Variants in USP14 observed in about 807,000 individuals in gnomAD.
USP14 encodes the protein ubiquitin carboxyl-terminal hydrolase 14.
Under a neutral mutation model 76.5 loss-of-function variants are expected in USP14, and 38 were observed. That is an observed-to-expected ratio of 0.50 (90% CI 0.38 to 0.65). The LOEUF is 0.65. Ranked by LOEUF, USP14 falls within the 30% of genes least tolerant of loss-of-function variation. The pLI, the probability that USP14 is intolerant of heterozygous loss-of-function variation, is 0.00. For synonymous variants in USP14, 192 were observed against 191.7 expected, an observed-to-expected ratio of 1.00 and a Z score of -0.01; for missense variants, 467 against 586.5, an observed-to-expected ratio of 0.80 and a Z score of 2.10.
At chr18:171,951 T>C (rs1002756811) in intron 3 of USP14, among the ~76,000 whole-genome samples, 7 of 152,088 alleles carry the variant, frequency 4.6e-5, no homozygotes, top group African/African-American at 1.4e-4. Context: ...GAAACTAGAA[T>C]TAGAAGTGGC....
intron 1 of USP14, 39 bp from the exon 2 acceptor site, chr18:163,269 G>C (rs1909174155): frequency 6.5e-7 from 1 of 1,541,844 alleles, no homozygotes; most frequent in Non-Finnish European, 8.8e-7. Flanking sequence ...ATCTTGTCTT[G>C]TTATTTTTTA....
At chr18:207,788 T>C (rs1001224249) in intron 13 of USP14, among the ~76,000 whole-genome samples, 1 of 152,244 alleles carries the variant, frequency 6.6e-6, no homozygotes, top group African/African-American at 2.4e-5. Flanking sequence ...TGTACAAGCC[T>C]TGGACATTTT....
chr18:198,120 A>G lies in USP14; in HGVS notation c.749A>G (p.Glu250Gly). The change falls in exon 9 of 16, where the codon GAG (glutamate) becomes GGG (glycine). Residue 250 changes from glutamate to glycine, a missense_variant. Transcript: ENST00000261601. Reference protein sequence around the residue: ...KSLIDQFFGVEFETTMKCTES... With the variant: ...KSLIDQFFGVGFETTMKCTES... The stretch of plus-strand genomic sequence containing the variant: ...TTAATCGATCAGTTCTTCGGTGTTG[A>G]GTTTGAAACTACGTATCCTTATGAG... 1 of 1,606,732 alleles carries G rather than the reference A, an allele frequency of 6.2e-7. No homozygotes were observed. Among genetic ancestry groups the G allele is most frequent in the Non-Finnish European group, 8.5e-7 (1 of 1,175,336 alleles).
At chr18:176,468 C>T (rs1909631212) in intron 3 of USP14, among the ~76,000 whole-genome samples, 1 of 152,030 alleles carries the variant, frequency 6.6e-6, no homozygotes, top group Admixed American at 6.6e-5. Flanking sequence ...TTAATTTTTA[C>T]TTTTTCTAGC....
In USP14 at chr18:197,646, C is replaced by A; in HGVS notation, c.625C>A (p.Arg209=). ...DANECWIQMM[R]VLQQKLEAIE... ...TAATGAATGTTGGATACAAATGATG[C>A]GAGTATTGCAACAGAAATTGGAAGC... Residue 209 remains arginine, a synonymous_variant, in exon 8 of 16, where the codon CGA becomes AGA. Transcript: ENST00000261601. 1 of 1,610,596 alleles carries A rather than the reference C, an allele frequency of 6.2e-7. No individual in the cohort carries two copies. The highest frequency in any genetic ancestry group is 8.5e-7 in the Non-Finnish European group (1 of 1,178,118).
In USP14 at chr18:213,015, T is replaced by C. The variant is rs1295822033; in HGVS notation, c.*1731T>C. ...CATTGCAGGGAAACTTATTTGTAAATAGCTTCCTCACCTAAACTTTGACTT... is the reference window on the plus strand; with the variant it reads ...CATTGCAGGGAAACTTATTTGTAAACAGCTTCCTCACCTAAACTTTGACTT... On this transcript the variant is annotated 3_prime_UTR_variant, in exon 16 of 16. Coordinates refer to ENST00000261601, the MANE Select transcript of USP14 (RefSeq NM_005151.4). 6.6e-6 allele frequency: 1 copy of C among 152,206 alleles called. No homozygotes were observed. The highest frequency in any genetic ancestry group is 6.5e-5 in the Admixed American group (1 of 15,270). 9.4% of individuals were successfully genotyped at this position (152,206 alleles called of 1,614,324 possible). A position where few individuals can be genotyped will look rare whatever the true frequency, so the allele number is the denominator to read the frequency against.
intron 3 of USP14, among the ~76,000 whole-genome samples, chr18:167,873 A>T (rs1042915598): frequency 1.3e-5 from 2 of 151,724 alleles, no homozygotes. Context: ...GCTTAAAATA[A>T]TATTAAAAAA....
rs772127850 is a variant in USP14 at position 163,381 on chromosome 18, G to A, written c.90G>A (p.Lys30=). Reference sequence around the variant, plus strand: ...CAGATGAACCTCCAATGGTATTCAAGGCTCAGCTGTTTGCGTTGACTGGAG... The same window carrying A: ...CAGATGAACCTCCAATGGTATTCAAAGCTCAGCTGTTTGCGTTGACTGGAG... ...LNTDEPPMVF[K]AQLFALTGVQ... The change falls in exon 2 of 16, where the codon AAG becomes AAA. Residue 30 remains lysine (K), a synonymous_variant. Coordinates refer to ENST00000261601, the MANE Select transcript of USP14 (RefSeq NM_005151.4). The A allele has an allele frequency of 8.1e-5, 131 of 1,614,018 alleles. No individual in the cohort carries two copies. The highest frequency in any genetic ancestry group is 1.1e-4 in the Non-Finnish European group (129 of 1,180,016).
chr18:188,527 C>CTTTTTTTTTTTT (rs1909996999), intron 5 of USP14, among the ~76,000 whole-genome samples: 4 of 93,062 alleles, frequency 4.3e-5, no homozygotes, highest in Non-Finnish European at 8.9e-5. Context: ...TTTTTTTTTC[C>CTTTTTTTTTTTT]TTTGTGAGGG....
At chr18:159,945 C>T (rs1909069287) in intron 1 of USP14, among the ~76,000 whole-genome samples, 1 of 152,106 alleles carries the variant, frequency 6.6e-6, no homozygotes, top group African/African-American at 2.4e-5. Context: ...TGAGGGTCAG[C>T]AAAAAGCTCT....
At chr18:211,097 A>G (rs767982260) in intron 15 of USP14, 36 bp from the exon 16 acceptor site, 1 of 1,596,622 alleles carries the variant, frequency 6.3e-7, no homozygotes, top group African/African-American at 1.3e-5. Flanking sequence ...CGAATCCTGC[A>G]TAACATTAAT....
intron 5 of USP14, among the ~76,000 whole-genome samples, chr18:191,958 G>C (rs905358534): frequency 6.6e-6 from 1 of 151,150 alleles, no homozygotes; most frequent in Non-Finnish European, 1.5e-5. Context: ...ACTATGGTTT[G>C]AATAGTCATT....
chr18:196,755 G>C lies in USP14; in HGVS notation c.582G>C (p.Gln194His). The C allele has an allele frequency of 6.2e-7, 1 of 1,613,848 alleles. No homozygotes were observed. Among genetic ancestry groups the C allele is most frequent in the Non-Finnish European group, 8.5e-7 (1 of 1,179,928 alleles). ...TTGCCGAGAAAGGTGAACAAGGACA[G>C]TATCTTCAACAGGTAATTAGGGCAA... ...PQFAEKGEQG[Q>H]YLQQDANECW... The change falls in exon 7 of 16, where the codon CAG (glutamine) becomes CAC (histidine). Residue 194 changes from glutamine to histidine, a missense_variant. Coordinates refer to ENST00000261601, the MANE Select transcript of USP14 (RefSeq NM_005151.4).
At chr18:203,049 T>A in intron 11 of USP14, 49 bp from the exon 12 acceptor site, 1 of 1,605,072 alleles carries the variant, frequency 6.2e-7, no homozygotes, top group Middle Eastern at 1.7e-4. Context: ...AATTAAAACT[T>A]GTATGGTATT....
chr18:198,242 G>GT (rs969852062), intron 9 of USP14, 110 bp downstream of exon 9: 130 of 1,001,484 alleles, frequency 1.3e-4, no homozygotes, highest in Admixed American at 3.2e-4. Context: ...TTCTTCAGAG[G>GT]TTTTTTTTCT....
At chr18:186,176 C>T (rs1909925027) in intron 5 of USP14, among the ~76,000 whole-genome samples, 4 of 152,052 alleles carry the variant, frequency 2.6e-5, no homozygotes, top group Admixed American at 2.6e-4. Flanking sequence ...GAAGATGTGC[C>T]CTGGGCTGGA....
chr18:174,719 C>T (rs1909579689), intron 3 of USP14, among the ~76,000 whole-genome samples: 1 of 151,836 alleles, frequency 6.6e-6, no homozygotes, highest in Admixed American at 6.6e-5. Context: ...GTTCTCCCAC[C>T]TCACCCTCCT....
At chr18:176,107 T>C (rs569652219) in intron 3 of USP14, among the ~76,000 whole-genome samples, 4 of 152,162 alleles carry the variant, frequency 2.6e-5, no homozygotes, top group Non-Finnish European at 5.9e-5. Context: ...GATTTGTCTG[T>C]TTCCTCTATC....
At chr18:158,884 T>C in intron 1 of USP14, 170 bp downstream of exon 1, 1 of 1,110,096 alleles carries the variant, frequency 9.0e-7, no homozygotes, top group Non-Finnish European at 1.1e-6. Flanking sequence ...CCCGGCTGGG[T>C]CGGAGCCCTG....
Sources: allele counts gnomAD v4.1 joint callset (sites outside exome capture counted in the v4.1 genomes callset), GRCh38; gene constraint gnomAD v4.1.1; transcripts MANE v1.5; gene names NCBI Gene and HGNC (gene_info 2026-07-23, HGNC 2026-07-21).